The following CELF2 variants were observed in gnomAD, a reference collection of about 807,000 sequenced individuals.
The protein encoded by CELF2 is CUG triplet repeat RNA-binding protein 2.
In CELF2, 8 loss-of-function variants were observed where a neutral mutation model predicts 62.6. That is an observed-to-expected ratio of 0.13 (90% CI 0.07 to 0.23). The LOEUF (loss-of-function observed/expected upper bound fraction) is 0.23, where lower values mean the gene tolerates loss of function less well. Ranked by LOEUF, CELF2 falls within the 10% of genes least tolerant of loss-of-function variation. The probability of loss-of-function intolerance (pLI) is 1.00; values close to 1 mark genes in which losing one functional copy is unlikely to be tolerated. For synonymous variants in CELF2, 258 were observed against 250.0 expected, an observed-to-expected ratio of 1.03 and a Z score of -0.30; for missense variants, 333 against 671.0, an observed-to-expected ratio of 0.50 and a Z score of 5.56.
In CELF2 at chr10:11,330,142, TC is replaced by T. The variant is rs2095967161; in HGVS notation, c.*1091del. 1 of 152,638 alleles carries T rather than the reference TC, an allele frequency of 6.6e-6. No individual in the cohort carries two copies. Among genetic ancestry groups the T allele is most frequent in the Admixed American group, 6.5e-5 (1 of 15,284 alleles). The allele number at this position is 152,638 out of a possible 1,614,324, so 9.5% of individuals were successfully genotyped here. A position where few individuals can be genotyped will look rare whatever the true frequency, so the allele number is the denominator to read the frequency against. On this transcript the variant is annotated 3_prime_UTR_variant, in exon 13 of 13. Transcript: ENST00000633077. This position sits in a 1 kb window ranked among gnomAD's most constrained non-coding sequence, Gnocchi z 4.5. ...CTGTCTGATTATTTTGTTTGTAACT[TC>T]CATTATCTAGTTTACAGTTCAGTCG...
At chr10:10,586,355 G>C in the CELF2 span, among the ~76,000 whole-genome samples, 2 of 151,996 alleles carry the variant, frequency 1.3e-5, no homozygotes, top group African/African-American at 4.8e-5. Context: ...TCCAATTCAG[G>C]CCAAATGAAA....
At chr10:10,908,052 C>G (rs1020312788) in intron 1 of CELF2, among the ~76,000 whole-genome samples, 1 of 151,982 alleles carries the variant, frequency 6.6e-6, no homozygotes, top group Non-Finnish European at 1.5e-5. Flanking sequence ...AAATCAAGTT[C>G]TGTTTCTGCC....
At chr10:10,892,835 A>G (rs1460953118) in intron 1 of CELF2, among the ~76,000 whole-genome samples, 3 of 152,212 alleles carry the variant, frequency 2.0e-5, no homozygotes, top group Non-Finnish European at 4.4e-5. Context: ...GCACACAGAG[A>G]TGATTTTTGT....
the CELF2 span, among the ~76,000 whole-genome samples, chr10:10,729,054 T>TA: frequency 6.6e-6 from 1 of 152,170 alleles, no homozygotes; most frequent in African/African-American, 2.4e-5. Context: ...TTTGGCTCCA[T>TA]AAAAAGAAAA....
At chr10:10,532,862 C>T in the CELF2 span, among the ~76,000 whole-genome samples, 1 of 146,432 alleles carries the variant, frequency 6.8e-6, no homozygotes, top group Admixed American at 7.0e-5. Context: ...ATGAAGCTAT[C>T]CTCTTCTCAA....
chr10:11,013,881 G>A (rs2056857913), upstream of CELF2, among the ~76,000 whole-genome samples: 1 of 152,132 alleles, frequency 6.6e-6, no homozygotes, highest in South Asian at 2.1e-4. This position sits in a 1 kb window ranked among gnomAD's most constrained non-coding sequence, Gnocchi z 4.1. Context: ...ATATGTTTGG[G>A]GTTTTTTGTT....
At chr10:10,498,441 G>A in the CELF2 span, among the ~76,000 whole-genome samples, 1 of 152,194 alleles carries the variant, frequency 6.6e-6, no homozygotes, top group East Asian at 1.9e-4. Context: ...TTAAGAGACA[G>A]CAATTTGAGC....
At chr10:11,273,575 G>A (rs1018885892) in intron 7 of CELF2, among the ~76,000 whole-genome samples, 4 of 152,124 alleles carry the variant, frequency 2.6e-5, no homozygotes, top group African/African-American at 7.2e-5. Flanking sequence ...ACTGCTTGGC[G>A]CTGTTACCTC....
At chr10:10,896,438 A>G (rs1302218857) in intron 1 of CELF2, among the ~76,000 whole-genome samples, 2 of 152,160 alleles carry the variant, frequency 1.3e-5, no homozygotes, top group South Asian at 4.1e-4. Flanking sequence ...ATTCAAGTCT[A>G]CCCAGAATCT....
rs778932227 is a variant in CELF2, at chr10:11,243,784, TACTC to T, written c.355-5364_355-5361del. Among the ~76,000 whole-genome samples the T allele has an allele frequency of 2.0e-5, 3 of 152,144 alleles. No homozygotes were observed. Among genetic ancestry groups the T allele is most frequent in the South Asian group, 2.1e-4 (1 of 4,838 alleles). On this transcript the variant is annotated intron_variant, in intron 3 of 12. Transcript: ENST00000633077. This position sits in a 1 kb window ranked among gnomAD's most constrained non-coding sequence, Gnocchi z 4.1. Reference sequence around the variant, plus strand: ...TACAGCCCATACTGTGTCTGAAAAATACTCACTCCTGAATTAAAACTTCCCATTC... The same window carrying T: ...TACAGCCCATACTGTGTCTGAAAAATACTCCTGAATTAAAACTTCCCATTC...
At chr10:10,473,643 T>C in the CELF2 span, among the ~76,000 whole-genome samples, 3 of 152,070 alleles carry the variant, frequency 2.0e-5, no homozygotes, top group African/African-American at 7.2e-5. Context: ...TCTTGCTATT[T>C]TCGTTGAGTC....
intron 2 of CELF2, among the ~76,000 whole-genome samples, chr10:10,954,402 T>G (rs1288326800): frequency 6.6e-6 from 1 of 151,986 alleles, no homozygotes; most frequent in Non-Finnish European, 1.5e-5. Flanking sequence ...CATGCCACCA[T>G]GCCCAGCTAA....
chr10:11,106,868 A>G (rs563361223), intron 1 of CELF2, among the ~76,000 whole-genome samples: 5 of 152,152 alleles, frequency 3.3e-5, no homozygotes, highest in East Asian at 1.9e-4. Context: ...TGTGCAGGCT[A>G]CTTCTCAGCT....
Position 11,009,651 on chromosome 10 carries a change from C to T in CELF2, c.53+4211C>T, listed in dbSNP as rs77777720. Among the ~76,000 whole-genome samples, 577 of 152,276 alleles carry T rather than the reference C, an allele frequency of 3.8e-3. 2 individuals are homozygous for T. Among genetic ancestry groups the T allele is most frequent in the Middle Eastern group, 6.8e-3 (2 of 294 alleles). On this transcript the variant is annotated intron_variant, in intron 1 of 12. Coordinates refer to the CELF2 transcript ENST00000416382. ...ATGTATTACGAGGGCAGATTGAACT[C>T]CTGCTACTTCAGCCCATTCCAGGTT...
the CELF2 span, among the ~76,000 whole-genome samples, chr10:10,557,593 G>A: frequency 1.3e-5 from 2 of 151,688 alleles, no homozygotes; most frequent in African/African-American, 2.4e-5. Context: ...AGCTTGATGG[G>A]GATGGCATTG....
At chr10:10,636,352 T>C in the CELF2 span, among the ~76,000 whole-genome samples, 1 of 152,226 alleles carries the variant, frequency 6.6e-6, no homozygotes, top group Non-Finnish European at 1.5e-5. Context: ...ATGACAGATA[T>C]TTATTTAAAA....
At chr10:10,698,707 T>A in the CELF2 span, among the ~76,000 whole-genome samples, 1 of 152,182 alleles carries the variant, frequency 6.6e-6, no homozygotes, top group Non-Finnish European at 1.5e-5. Context: ...AATGAAAGAC[T>A]TCTCATAGCG....
chr10:11,317,338 T>A (rs1181550073), intron 10 of CELF2: 2 of 152,198 alleles, frequency 1.3e-5, no homozygotes, highest in Non-Finnish European at 2.9e-5. Flanking sequence ...TATCTATAGT[T>A]TACACAGCCC....
At chr10:10,976,615 T>C (rs560250988) in intron 2 of CELF2, among the ~76,000 whole-genome samples, 8 of 152,312 alleles carry the variant, frequency 5.3e-5, no homozygotes, top group Non-Finnish European at 1.0e-4. Flanking sequence ...CCATTTCTGA[T>C]TCTCAGGTTC....
Sources: allele counts gnomAD v4.1 joint callset (sites outside exome capture counted in the v4.1 genomes callset), GRCh38; gene constraint gnomAD v4.1.1; non-coding constraint Gnocchi (gnomAD v3.1); transcripts MANE v1.5; gene names NCBI Gene and HGNC (gene_info 2026-07-23, HGNC 2026-07-21).